The following CCDC171 variants were observed in gnomAD, a reference collection of about 807,000 sequenced individuals.
The protein encoded by CCDC171 is coiled-coil domain containing 171.
CCDC171 carries 177 observed loss-of-function variants against 168.2 expected under a neutral mutation model. The ratio of observed to expected loss-of-function variants is 1.05; its 90% CI spans 0.93 to 1.19. The LOEUF (loss-of-function observed/expected upper bound fraction) is 1.19, where lower values mean the gene tolerates loss of function less well. Among genes scored for constraint, CCDC171 ranks in the 50% most tolerant of loss-of-function variants. The pLI is 0.00. For missense variants in CCDC171, 1,991 were observed against 1,539.0 expected (o/e 1.29, Z -4.91); for synonymous variants, 687 against 540.8 (o/e 1.27, Z -3.75).
intron 18 of CCDC171, among the ~76,000 whole-genome samples, chr9:15,756,225 C>G (rs1486270292): frequency 6.6e-6 from 1 of 151,982 alleles, no homozygotes; most frequent in African/African-American, 2.4e-5. Flanking sequence ...CATTTATTAC[C>G]TCCACATCTA....
At chr9:15,760,728 G>T (rs1302360852) in intron 18 of CCDC171, among the ~76,000 whole-genome samples, 1 of 152,150 alleles carries the variant, frequency 6.6e-6, no homozygotes, top group African/African-American at 2.4e-5. Flanking sequence ...TGAATTCAAT[G>T]CGTAGAAAGT....
intron 10 of CCDC171, among the ~76,000 whole-genome samples, chr9:15,691,560 A>ATATATATG (rs1554762281): frequency 5.6e-5 from 8 of 142,132 alleles, no homozygotes; most frequent in African/African-American, 2.1e-4. Context: ...ATATATATAT[A>ATATATATG]TATATATATA....
At chr9:15,979,751 T>G (rs1831735123) in intron 3 of CCDC171, among the ~76,000 whole-genome samples, 1 of 151,912 alleles carries the variant, frequency 6.6e-6, no homozygotes, top group Admixed American at 6.6e-5. Flanking sequence ...TTGTTTGAAG[T>G]TTTCTTGTGA....
intron 7 of CCDC171, among the ~76,000 whole-genome samples, chr9:15,647,790 C>T (rs201999876): frequency 1.8e-4 from 28 of 152,034 alleles, no homozygotes; most frequent in Admixed American, 1.5e-3. Flanking sequence ...CAGGACCAGA[C>T]GATTCACAGC....
chr9:15,623,860 G>A (rs1024842454), intron 7 of CCDC171, among the ~76,000 whole-genome samples: 2 of 152,140 alleles, frequency 1.3e-5, no homozygotes, highest in African/African-American at 4.8e-5. Context: ...GACTTTACTT[G>A]GGAAAGGAGC....
intron 18 of CCDC171, among the ~76,000 whole-genome samples, chr9:15,746,868 G>T (rs566923736): frequency 2.0e-5 from 3 of 152,292 alleles, no homozygotes; most frequent in African/African-American, 7.2e-5. Flanking sequence ...GTGAGAGACT[G>T]TACTGGGAGG....
Position 15,623,475 on chromosome 9 carries a change from G to GCGCGCGCGCACACACACACA in CCDC171, c.822+63_822+64insGCGCGCGCACACACACACAC. 176 of 315,442 alleles carry GCGCGCGCGCACACACACACA rather than the reference G, an allele frequency of 5.6e-4. 1 individual carries two copies. The highest frequency in any genetic ancestry group is 2.7e-3 in the Admixed American group (54 of 19,760). 19.5% of individuals were successfully genotyped at this position (315,442 alleles called of 1,614,324 possible). ...CAAACTTTCACATATGCGCGCGCGCGCACACACACACACACACACACACAC... is the reference window on the plus strand; with the variant it reads ...CAAACTTTCACATATGCGCGCGCGCGCGCGCGCGCACACACACACACACACACACACACACACACACACAC... On this transcript the variant is annotated intron_variant, in intron 7 of 25. Transcript: ENST00000380701.
chr9:15,630,740 A>C (rs1030764897), intron 7 of CCDC171, among the ~76,000 whole-genome samples: 4 of 152,174 alleles, frequency 2.6e-5, no homozygotes, highest in African/African-American at 7.2e-5. Flanking sequence ...TCAGCACCAC[A>C]CCTACTCCAA....
chr9:16,099,405 C>G, the CCDC171 span, among the ~76,000 whole-genome samples: 2 of 152,178 alleles, frequency 1.3e-5, no homozygotes, highest in African/African-American at 4.8e-5. Context: ...TTCTGGTGAG[C>G]AAGGCTTCAC....
intron 6 of CCDC171, among the ~76,000 whole-genome samples, chr9:15,613,563 G>A (rs376416451): frequency 1.1e-3 from 157 of 142,028 alleles, no homozygotes; most frequent in African/African-American, 3.7e-3. Context: ...TCGCTCTGTC[G>A]CCAGGCTGGA....
intron 25 of CCDC171, among the ~76,000 whole-genome samples, chr9:15,957,268 G>A (rs1375411912): frequency 6.6e-6 from 1 of 152,146 alleles, no homozygotes; most frequent in Non-Finnish European, 1.5e-5. Flanking sequence ...AGTTAATTGG[G>A]TGAAGCTGTG....
At chr9:15,913,136 G>A (rs1198390940) in intron 24 of CCDC171, among the ~76,000 whole-genome samples, 2 of 152,190 alleles carry the variant, frequency 1.3e-5, no homozygotes, top group African/African-American at 2.4e-5. Flanking sequence ...TTGTACTTCT[G>A]ATAGAATTCC....
intron 3 of CCDC171, among the ~76,000 whole-genome samples, chr9:15,983,655 G>A (rs1311138679): frequency 6.6e-6 from 1 of 152,084 alleles, no homozygotes; most frequent in Non-Finnish European, 1.5e-5. Context: ...GTTTCATACT[G>A]TTTGAGAAAT....
intron 6 of CCDC171, among the ~76,000 whole-genome samples, chr9:15,598,755 A>C (rs2042586285): frequency 6.6e-6 from 1 of 152,124 alleles, no homozygotes; most frequent in South Asian, 2.1e-4. Flanking sequence ...GGGGTGTTAA[A>C]GTCTCCCATT....
At chr9:16,061,708 T>G (rs193285368), downstream of CCDC171, 6 of 152,294 alleles carry the variant, frequency 3.9e-5, no homozygotes, top group East Asian at 1.2e-3. Flanking sequence ...TTATAAACAT[T>G]GGGTCATTTA....
chr9:15,628,692 G>C (rs1398162294), intron 7 of CCDC171, among the ~76,000 whole-genome samples: 3 of 152,120 alleles, frequency 2.0e-5, no homozygotes, highest in African/African-American at 7.2e-5. Flanking sequence ...CTCCCAGCAC[G>C]CAGCTGGAGA....
chr9:15,689,904 A>C (rs923865475), intron 10 of CCDC171, among the ~76,000 whole-genome samples: 1 of 152,226 alleles, frequency 6.6e-6, no homozygotes, highest in Non-Finnish European at 1.5e-5. Context: ...CTTCATGATT[A>C]TGTTTAGTTG....
chr9:15,650,347 A>T (rs2047413091), intron 7 of CCDC171, among the ~76,000 whole-genome samples: 6 of 152,186 alleles, frequency 3.9e-5, no homozygotes. Flanking sequence ...GTGTATACAT[A>T]TGTAACAAAC....
chr9:15,685,445 C>T (rs917723751), intron 10 of CCDC171, among the ~76,000 whole-genome samples: 2 of 151,942 alleles, frequency 1.3e-5, no homozygotes, highest in Admixed American at 6.6e-5. Context: ...GAGCAACAAA[C>T]GTAGTGAGAC....
Sources: gnomAD v4.1 joint callset for allele counts (sites outside exome capture counted in the v4.1 genomes callset) on GRCh38, gnomAD v4.1.1 for gene constraint, MANE v1.5 for transcripts, NCBI Gene and HGNC (gene_info 2026-07-23, HGNC 2026-07-21) for gene names.